SIGLEC7: variants seen among roughly 807,000 people sequenced by gnomAD.
The protein encoded by SIGLEC7 is sialic acid-binding Ig-like lectin 7.
A neutral mutation model predicts 40.8 loss-of-function variants in SIGLEC7; 33 were observed. That is an observed-to-expected ratio of 0.81 (90% CI 0.61 to 1.08). The LOEUF is 1.08. Ranked by LOEUF, SIGLEC7 falls within the 50% of genes least tolerant of loss-of-function variation. SIGLEC7 has a pLI of 0.00. For synonymous variants in SIGLEC7, 242 were observed against 237.6 expected (o/e 1.02, Z -0.17); for missense variants, 513 against 576.1 (o/e 0.89, Z 1.12).
At chr19:51,144,361 C>T (rs2092090930) in intron 1 of SIGLEC7, 45 bp from the exon 2 acceptor site, 1 of 1,562,406 alleles carries the variant, frequency 6.4e-7, no homozygotes, top group Non-Finnish European at 8.6e-7. Context: ...CAGGGCTGTA[C>T]CATGGATCCT....
intron 1 of SIGLEC7, chr19:51,144,180 A>G (rs2092089663): frequency 6.6e-6 from 5 of 757,594 alleles, no homozygotes; most frequent in South Asian, 5.9e-5. Context: ...TACAAAACGA[A>G]GCAGCTCTCT....
intron 1 of SIGLEC7, among the ~76,000 whole-genome samples, chr19:51,143,417 C>T (rs2122885913): frequency 6.6e-6 from 1 of 152,260 alleles, no homozygotes; most frequent in African/African-American, 2.4e-5. Context: ...ACAGGAGGGA[C>T]CTCCACGATG....
At chr19:51,151,846 G>A (rs973923509) in intron 6 of SIGLEC7, among the ~76,000 whole-genome samples, 4 of 152,182 alleles carry the variant, frequency 2.6e-5, no homozygotes, top group African/African-American at 4.8e-5. Context: ...AATCAAGAGA[G>A]AATCTGGCAA....
At chr19:51,148,615 T>G (rs1187597269) in intron 6 of SIGLEC7, among the ~76,000 whole-genome samples, 2 of 152,252 alleles carry the variant, frequency 1.3e-5, no homozygotes, top group African/African-American at 4.8e-5. Context: ...TAATTTCATA[T>G]ATTTGCTATT....
Position 51,142,339 on chromosome 19 carries a change from C to G in SIGLEC7, c.-31C>G, listed in dbSNP as rs1011561493. ...GAAGAACCCTGAGGAACAGACGTTC[C>G]CTCGCGGCCCTGGCACCTCCAACCC... On this transcript the variant is annotated 5_prime_UTR_variant, in exon 1 of 7. Coordinates refer to ENST00000317643, the MANE Select transcript of SIGLEC7 (RefSeq NM_014385.4). This position sits in a 1 kb window ranked among gnomAD's most constrained non-coding sequence, Gnocchi z 5.0. 6.2e-7 allele frequency: 1 copy of G among 1,601,382 alleles called. No individual in the cohort carries two copies. The highest frequency in any genetic ancestry group is 1.3e-5 in the African/African-American group (1 of 74,836).
intron 2 of SIGLEC7, 29 bp from the exon 3 acceptor site, chr19:51,144,883 A>G (rs767718136): frequency 6.2e-7 from 1 of 1,612,778 alleles, no homozygotes. Flanking sequence ...CCTCACAGTG[A>G]TGCAGGTCTC....
intron 6 of SIGLEC7, among the ~76,000 whole-genome samples, chr19:51,149,310 C>T (rs979890040): frequency 6.6e-6 from 1 of 152,186 alleles, no homozygotes; most frequent in African/African-American, 2.4e-5. Flanking sequence ...GTTTTTAACC[C>T]ATCTCGAGTT....
At chr19:51,151,558 G>A (rs1261803021) in intron 6 of SIGLEC7, among the ~76,000 whole-genome samples, 1 of 152,176 alleles carries the variant, frequency 6.6e-6, no homozygotes, top group African/African-American at 2.4e-5. Flanking sequence ...AAAGAACCCG[G>A]GGCTGCTCTG....
Position 51,142,864 on chromosome 19 carries a change from G to A in SIGLEC7, c.433+62G>A. 1 of 1,494,510 alleles carries A rather than the reference G, an allele frequency of 6.7e-7. No homozygotes were observed. The highest frequency in any genetic ancestry group is 9.1e-7 in the Non-Finnish European group (1 of 1,103,838). The allele number at this position is 1,494,510 out of a possible 1,614,324, so 92.6% of individuals were successfully genotyped here. Reference sequence around the variant, plus strand: ...GTGATGAGGGCTTTAGGGCACGGCTGAGACGGGACACATGTCCTGGGAGGG... The same window carrying A: ...GTGATGAGGGCTTTAGGGCACGGCTAAGACGGGACACATGTCCTGGGAGGG... On this transcript the variant is annotated intron_variant, in intron 1 of 6. Transcript: ENST00000317643. This position sits in a 1 kb window ranked among gnomAD's most constrained non-coding sequence, Gnocchi z 5.0.
chr19:51,145,882 C>G lies in SIGLEC7; in HGVS notation c.788C>G (p.Ser263Cys), dbSNP rs775681069. The G allele has an allele frequency of 3.1e-6, 5 of 1,614,226 alleles. No homozygotes were observed. Among genetic ancestry groups the G allele is most frequent in the Non-Finnish European group, 4.2e-6 (5 of 1,180,034 alleles). The change falls in exon 4 of 7, where the codon TCT (serine) becomes TGT (cysteine). Residue 263 changes from serine to cysteine, a missense_variant. By Grantham distance (112) the Ser-to-Cys change is moderately radical. Transcript: ENST00000317643. The surrounding 1 kb of genome is among the most constrained non-coding windows in gnomAD (Gnocchi z 4.3). ...TCCACAGCTCTGGGGAACAGCTCATCTCTTTCAGTCCTAGAGGGCCAGTCT... is the reference window on the plus strand; with the variant it reads ...TCCACAGCTCTGGGGAACAGCTCATGTCTTTCAGTCCTAGAGGGCCAGTCT... ...TASTALGNSS[S>C]LSVLEGQSLR...
intron 1 of SIGLEC7, 92 bp from the exon 2 acceptor site, chr19:51,144,314 C>T: frequency 2.0e-6 from 3 of 1,515,612 alleles, no homozygotes; most frequent in African/African-American, 1.4e-5. Flanking sequence ...GCGAGTTGGG[C>T]TCAGGGCAGA....
chr19:51,146,205 G>A lies in SIGLEC7; in HGVS notation c.1027+84G>A. 4 of 1,538,756 alleles carry A rather than the reference G, an allele frequency of 2.6e-6. No homozygotes were observed. The South Asian group carries it at 4.9e-5, about 19-fold the overall frequency. On this transcript the variant is annotated intron_variant, in intron 4 of 6. Coordinates refer to ENST00000317643, the MANE Select transcript of SIGLEC7 (RefSeq NM_014385.4). ...CACTGCCCCTGAGCTTCAAGGGGGA[G>A]CTCAGCTCTGGTCTGTGCTCAGCTG...
Position 51,153,320 on chromosome 19 carries a change from G to A in SIGLEC7, c.*75G>A. 1 of 1,184,284 alleles carries A rather than the reference G, an allele frequency of 8.4e-7. No homozygotes were observed. The highest frequency in any genetic ancestry group is 1.2e-6 in the Non-Finnish European group (1 of 862,414). The allele number at this position is 1,184,284 out of a possible 1,614,324, so 73.4% of individuals were successfully genotyped here. ...AAGGAGTCTGAGGCTGATTCCAGTA[G>A]AATTAGCAGCCCTCAATGCTGTGCA... On this transcript the variant is annotated 3_prime_UTR_variant, in exon 7 of 7. Transcript: ENST00000317643.
Position 51,144,685 on chromosome 19 carries a change from G to A in SIGLEC7, c.712+1G>A, listed in dbSNP as rs1339670912. 3.7e-6 allele frequency: 6 copies of A among 1,612,800 alleles called. No individual in the cohort carries two copies. Among genetic ancestry groups the A allele is most frequent in the Non-Finnish European group, 5.1e-6 (6 of 1,179,610 alleles). On this transcript the variant is annotated splice_donor_variant, in intron 2 of 6. Coordinates refer to ENST00000317643, the MANE Select transcript of SIGLEC7 (RefSeq NM_014385.4). LOFTEE classifies it high-confidence loss of function. ...AGGACCATCCAACTCAATGTGTCCT[G>A]TGAGTGCTGAGCCAGGACGCCCTGG...
intron 6 of SIGLEC7, 103 bp from the exon 7 acceptor site, chr19:51,152,960 G>A (rs1599837089): frequency 1.1e-6 from 1 of 882,674 alleles, no homozygotes; most frequent in African/African-American, 1.7e-5. Context: ...TCTATACAGA[G>A]GAATATATCC....
chr19:51,142,370 A>ATGCTGCTGC lies in SIGLEC7; in HGVS notation c.14_22dup (p.Leu5_Leu7dup). The ATGCTGCTGC allele has an allele frequency of 6.2e-7, 1 of 1,612,522 alleles. No individual in the cohort carries two copies. Among genetic ancestry groups the ATGCTGCTGC allele is most frequent in the South Asian group, 1.1e-5 (1 of 90,924 alleles). Reference sequence around the variant, plus strand: ...GGCCCTGGCACCTCCAACCCCAGATATGCTGCTGCTGCTGCTGCTGCCCCT... The same window carrying ATGCTGCTGC: ...GGCCCTGGCACCTCCAACCCCAGATATGCTGCTGCTGCTGCTGCTGCTGCTGCTGCCCCT... On this transcript the variant is annotated inframe_insertion, in exon 1 of 7. Coordinates refer to ENST00000317643, the MANE Select transcript of SIGLEC7 (RefSeq NM_014385.4). This position sits in a 1 kb window ranked among gnomAD's most constrained non-coding sequence, Gnocchi z 5.0.
chr19:51,147,106 C>G, intron 5 of SIGLEC7, 115 bp from the exon 6 acceptor site: 1 of 1,493,474 alleles, frequency 6.7e-7, no homozygotes, highest in Non-Finnish European at 9.1e-7. Flanking sequence ...GGACCACCCT[C>G]CTCCCACCTC....
rs565779494 is a variant in SIGLEC7, at chr19:51,143,631, G to A, written c.434-775G>A. ...GTTTGTAGTTTCTCTTTCGTGCTGGGTTGAGGTCTCCAGCTCCTCTCCAGC... is the reference window on the plus strand; with the variant it reads ...GTTTGTAGTTTCTCTTTCGTGCTGGATTGAGGTCTCCAGCTCCTCTCCAGC... On this transcript the variant is annotated intron_variant, in intron 1 of 6. Transcript: ENST00000317643. 5.9e-5 allele frequency among the ~76,000 whole-genome samples: 9 copies of A among 152,192 alleles called. No individual in the cohort carries two copies. The East Asian group carries it at 1.6e-3, about 26-fold the overall frequency.
At chr19:51,146,892 G>A in intron 5 of SIGLEC7, 42 bp downstream of exon 5, 1 of 1,568,310 alleles carries the variant, frequency 6.4e-7, no homozygotes, top group South Asian at 1.1e-5. Flanking sequence ...TCCTGGGGGA[G>A]GGCGGACTGG....
Sources: gnomAD v4.1 joint callset for allele counts (sites outside exome capture counted in the v4.1 genomes callset) on GRCh38, gnomAD v4.1.1 for gene constraint, Gnocchi (gnomAD v3.1) non-coding constraint, MANE v1.5 for transcripts, NCBI Gene and HGNC (gene_info 2026-07-23, HGNC 2026-07-21) for gene names.